The following CNKSR3 variants were observed in gnomAD, a reference collection of about 807,000 sequenced individuals.
The protein encoded by CNKSR3 is connector enhancer of kinase suppressor of ras 3.
Under a neutral mutation model 67.7 loss-of-function variants are expected in CNKSR3, and 36 were observed. The ratio of observed to expected loss-of-function variants is 0.53; its 90% CI spans 0.41 to 0.70. The LOEUF is 0.70. CNKSR3 is among the 30% of genes least tolerant of loss of function. The pLI is 0.00. For missense variants in CNKSR3, 630 were observed against 695.2 expected (o/e 0.91, Z 1.05); for synonymous variants, 281 against 271.4 (o/e 1.04, Z -0.35).
rs1490497410 is a variant in CNKSR3, at chr6:154,395,284, G to GA, written c.*11069dup. The stretch of plus-strand genomic sequence containing the variant: ...CAGTTAATTCTACAAGAGTGCTTTT[G>GA]AAAAAAGTACTCCAAAGAATTGGGA... On this transcript the variant is annotated 3_prime_UTR_variant, in exon 13 of 13. Coordinates refer to ENST00000607772, the MANE Select transcript of CNKSR3 (RefSeq NM_173515.4). 6.6e-6 allele frequency: 1 copy of GA among 151,100 alleles called. No individual in the cohort carries two copies. The highest frequency in any genetic ancestry group is 1.9e-4 in the East Asian group (1 of 5,140). 9.4% of individuals were successfully genotyped at this position (151,100 alleles called of 1,614,324 possible).
chr6:154,407,790 GAATTTTCTA>G (rs1393707919), intron 12 of CNKSR3, among the ~76,000 whole-genome samples: 2 of 129,518 alleles, frequency 1.5e-5, no homozygotes. Flanking sequence ...TTGAATTTTA[GAATTTTCTA>G]AATTTTCTAA....
chr6:154,426,645 G>A (rs1294253117), intron 7 of CNKSR3, among the ~76,000 whole-genome samples: 2 of 152,118 alleles, frequency 1.3e-5, no homozygotes, highest in Non-Finnish European at 2.9e-5. Context: ...GTGAGCCACC[G>A]CACCCGGCCC....
At chr6:154,444,356 A>G (rs866586523) in intron 2 of CNKSR3, among the ~76,000 whole-genome samples, 2 of 152,128 alleles carry the variant, frequency 1.3e-5, no homozygotes, top group South Asian at 4.1e-4. Flanking sequence ...CAAAGTTACA[A>G]AGCTCATCAG....
intron 1 of CNKSR3, among the ~76,000 whole-genome samples, chr6:154,502,861 C>T (rs146334360): frequency 8.5e-5 from 13 of 152,248 alleles, no homozygotes; most frequent in African/African-American, 2.4e-4. Flanking sequence ...GGCAAGAACG[C>T]TCAGGTCCGG....
intron 1 of CNKSR3, among the ~76,000 whole-genome samples, chr6:154,490,462 C>T (rs190144713): frequency 2.6e-5 from 4 of 152,188 alleles, no homozygotes; most frequent in Middle Eastern, 3.4e-3. Flanking sequence ...CATATGTATC[C>T]ATGTATTGTG....
rs1162825678 is a variant in CNKSR3, at chr6:154,398,653, G to A, written c.*7701C>T. The A allele has an allele frequency of 1.3e-5, 2 of 152,300 alleles. No individual in the cohort carries two copies. Among genetic ancestry groups the A allele is most frequent in the Admixed American group, 1.3e-4 (2 of 15,298 alleles). The allele number at this position is 152,300 out of a possible 1,614,324, so 9.4% of individuals were successfully genotyped here. ...ATACCACTTCAAGATGGGAATGGGAGGCAAAAATAATTCAGCCAACTAGGA... is the reference window on the plus strand; with the variant it reads ...ATACCACTTCAAGATGGGAATGGGAAGCAAAAATAATTCAGCCAACTAGGA... On this transcript the variant is annotated 3_prime_UTR_variant, in exon 13 of 13. Transcript: ENST00000607772.
rs149531238 is a variant in CNKSR3 at position 154,502,323 on chromosome 6, C to T, written c.52+7740G>A. Reference sequence around the variant, plus strand: ...TCTCCTGCCTCAGTCTCCTGAGTAGCTGGGATTACAGGTGCCCACCACCAT... The same window carrying T: ...TCTCCTGCCTCAGTCTCCTGAGTAGTTGGGATTACAGGTGCCCACCACCAT... On this transcript the variant is annotated intron_variant, in intron 1 of 12. Transcript: ENST00000607772. Among the ~76,000 whole-genome samples, 248 of 151,464 alleles carry T rather than the reference C, an allele frequency of 1.6e-3. 1 individual carries two copies. The highest frequency in any genetic ancestry group is 5.7e-3 in the African/African-American group (236 of 41,220).
intron 6 of CNKSR3, among the ~76,000 whole-genome samples, chr6:154,429,007 G>C (rs186905607): frequency 2.2e-4 from 34 of 152,300 alleles, no homozygotes; most frequent in African/African-American, 6.3e-4. Context: ...CTCCTTTTAA[G>C]GGAAATGTAA....
Position 154,510,220 on chromosome 6 carries a change from G to T in CNKSR3, c.-106C>A, listed in dbSNP as rs992389571. On this transcript the variant is annotated 5_prime_UTR_variant, in exon 1 of 13. Coordinates refer to ENST00000607772, the MANE Select transcript of CNKSR3 (RefSeq NM_173515.4). ...AGGGCGCGCCCGCGGCTGCTCCCCT[G>T]CGCCCGAGCGACTCCGTCAAGACTG... is the stretch of plus-strand genomic sequence containing the variant. 26 of 1,335,098 alleles carry T rather than the reference G, an allele frequency of 1.9e-5. No homozygotes were observed. Among genetic ancestry groups the T allele is most frequent in the Non-Finnish European group, 2.4e-5 (23 of 941,484 alleles). 82.7% of individuals were successfully genotyped at this position (1,335,098 alleles called of 1,614,324 possible). A position where few individuals can be genotyped will look rare whatever the true frequency, so the allele number is the denominator to read the frequency against.
chr6:154,415,571 C>T (rs1268140626), intron 9 of CNKSR3, among the ~76,000 whole-genome samples: 1 of 152,148 alleles, frequency 6.6e-6, no homozygotes, highest in African/African-American at 2.4e-5. Flanking sequence ...CACAATGTCT[C>T]TGTGCCCCAT....
In CNKSR3 at chr6:154,398,212, C is replaced by T. The variant is rs369184513; in HGVS notation, c.*8142G>A. 1 of 152,210 alleles carries T rather than the reference C, an allele frequency of 6.6e-6. No homozygotes were observed. The highest frequency in any genetic ancestry group is 2.4e-5 in the African/African-American group (1 of 41,450). The allele number at this position is 152,210 out of a possible 1,614,324, so 9.4% of individuals were successfully genotyped here. On this transcript the variant is annotated 3_prime_UTR_variant, in exon 13 of 13. Transcript: ENST00000607772. ...ACTTACGGCCAATCTGAAATAGATTCTATTCATGAAAGTCCTTCCAGAAAC... is the reference window on the plus strand; with the variant it reads ...ACTTACGGCCAATCTGAAATAGATTTTATTCATGAAAGTCCTTCCAGAAAC...
rs867384298 is a variant in CNKSR3, at chr6:154,403,575, T to C, written c.*2779A>G. 1 of 152,048 alleles carries C rather than the reference T, an allele frequency of 6.6e-6. No individual in the cohort carries two copies. The highest frequency in any genetic ancestry group is 1.5e-5 in the Non-Finnish European group (1 of 68,024). The allele number at this position is 152,048 out of a possible 1,614,324, so 9.4% of individuals were successfully genotyped here. A position where few individuals can be genotyped will look rare whatever the true frequency, so the allele number is the denominator to read the frequency against. On this transcript the variant is annotated 3_prime_UTR_variant, in exon 13 of 13. Coordinates refer to ENST00000607772, the MANE Select transcript of CNKSR3 (RefSeq NM_173515.4). Reference sequence around the variant, plus strand: ...GAAATCCATATTAAACTATTATTTATGTATGTCCATAGTAGAGGTTTACAA... The same window carrying C: ...GAAATCCATATTAAACTATTATTTACGTATGTCCATAGTAGAGGTTTACAA...
chr6:154,484,415 G>T (rs894559512), intron 1 of CNKSR3, among the ~76,000 whole-genome samples: 2 of 152,056 alleles, frequency 1.3e-5, no homozygotes, highest in African/African-American at 4.8e-5. Flanking sequence ...TCACTATAAG[G>T]ATACTCCTGG....
chr6:154,492,760 A>AAC (rs1786806444), intron 1 of CNKSR3, among the ~76,000 whole-genome samples: 1 of 148,166 alleles, frequency 6.7e-6, no homozygotes, highest in Admixed American at 6.7e-5. Context: ...AAAAAAAAAC[A>AAC]AAAAACAAAA....
At chr6:154,423,760 T>C (rs1024813214) in intron 7 of CNKSR3, among the ~76,000 whole-genome samples, 10 of 152,314 alleles carry the variant, frequency 6.6e-5, no homozygotes, top group African/African-American at 1.9e-4. Context: ...ATTATTGCAA[T>C]GCTGTTAAAA....
chr6:154,461,063 TA>T (rs1786069172), intron 1 of CNKSR3, among the ~76,000 whole-genome samples: 3 of 152,162 alleles, frequency 2.0e-5, no homozygotes, highest in Non-Finnish European at 4.4e-5. Context: ...TGTATTAAAT[TA>T]AAACCCCGCA....
chr6:154,474,963 G>A (rs921309030), intron 1 of CNKSR3, among the ~76,000 whole-genome samples: 3 of 152,196 alleles, frequency 2.0e-5, no homozygotes, highest in Non-Finnish European at 4.4e-5. Context: ...AGGGCCCTGC[G>A]GAAGAGCTGG....
rs899513954 is a variant in CNKSR3 at position 154,398,930 on chromosome 6, T to C, written c.*7424A>G. On this transcript the variant is annotated 3_prime_UTR_variant, in exon 13 of 13. Coordinates refer to ENST00000607772, the MANE Select transcript of CNKSR3 (RefSeq NM_173515.4). ...AACCCCATCTACTAAAAATACAAAA[T>C]TAGCCGGGTGTGGTGGCACATGCCT... The C allele has an allele frequency of 6.6e-6, 1 of 152,152 alleles. No individual in the cohort carries two copies. The highest frequency in any genetic ancestry group is 2.4e-5 in the African/African-American group (1 of 41,410). 9.4% of individuals were successfully genotyped at this position (152,152 alleles called of 1,614,324 possible).
At chr6:154,450,375 G>T (rs980493024) in intron 1 of CNKSR3, 117 bp from the exon 2 acceptor site, 4 of 1,065,864 alleles carry the variant, frequency 3.8e-6, no homozygotes, top group Non-Finnish European at 5.5e-6. Context: ...CCACTATCTG[G>T]TTATCTATGT....
Sources: allele counts gnomAD v4.1 joint callset (sites outside exome capture counted in the v4.1 genomes callset), GRCh38; gene constraint gnomAD v4.1.1; transcripts MANE v1.5; gene names NCBI Gene and HGNC (gene_info 2026-07-23, HGNC 2026-07-21).